The following MIF4GD variants were observed in gnomAD, a reference collection of about 807,000 sequenced individuals.
MIF4GD encodes MIF4G domain-containing protein.
MIF4GD carries 22 observed loss-of-function variants against 26.7 expected under a neutral mutation model. That is an observed-to-expected ratio of 0.82 (90% CI 0.59 to 1.18). MIF4GD has a LOEUF of 1.18. Ranked by LOEUF, MIF4GD falls within the 50% of genes most tolerant of loss-of-function variation. The pLI, the probability that MIF4GD is intolerant of heterozygous loss-of-function variation, is 0.00. For missense variants in MIF4GD, 262 were observed against 279.6 expected, an observed-to-expected ratio of 0.94 and a Z score of 0.45; for synonymous variants, 137 against 111.6, an observed-to-expected ratio of 1.23 and a Z score of -1.43.
intron 2 of MIF4GD, chr17:75,269,529 T>TA: frequency 6.7e-7 from 1 of 1,485,518 alleles, no homozygotes; most frequent in South Asian, 1.2e-5. Flanking sequence ...GGAGCCGTGT[T>TA]CTTTTTTTTA....
chr17:75,266,839 C>T lies in MIF4GD; in HGVS notation c.570G>A (p.Leu190=). ...TGATCTCCAGCAGCAGCAGCTGGGC[C>T]AGGGAGCTGAGGCCAGTTGGGAGCA... is the stretch of plus-strand genomic sequence containing the variant. ...GFLLPTGLSS[L]AQLLLLEIIE... The change falls in exon 6 of 6, where the codon CTG becomes CTA. Residue 190 remains leucine, a synonymous_variant. Coordinates refer to ENST00000325102, the MANE Select transcript of MIF4GD (RefSeq NM_001370592.1). 1 of 1,614,202 alleles carries T rather than the reference C, an allele frequency of 6.2e-7. No individual in the cohort carries two copies. The highest frequency in any genetic ancestry group is 8.5e-7 in the Non-Finnish European group (1 of 1,180,034).
chr17:75,269,292 AAC>A, intron 2 of MIF4GD: 1 of 1,604,458 alleles, frequency 6.2e-7, no homozygotes, highest in Admixed American at 1.7e-5. Context: ...AGGGCCTCCC[AAC>A]AGGCTCGGCT....
rs2077505471 is a variant in MIF4GD at position 75,266,905 on chromosome 17, CT to C, written c.503del (p.Gln168ArgfsTer9). 2.5e-6 allele frequency: 4 copies of C among 1,614,098 alleles called. No individual in the cohort carries two copies. Among genetic ancestry groups the C allele is most frequent in the Non-Finnish European group, 3.4e-6 (4 of 1,180,054 alleles). ...TCAGCACAAAGAGCTCATCCATGCG[CT>C]GCCCATTCATTTTCTCCAGCTGCTC... Reference protein sequence around the residue: ...VGEQLEKMNGQRMDELFVLIR... With the variant: ...VGEQLEKMNGXRMDELFVLIR... On this transcript the variant is annotated frameshift_variant, in exon 6 of 6. Coordinates refer to ENST00000325102, the MANE Select transcript of MIF4GD (RefSeq NM_001370592.1). LOFTEE classifies it high-confidence loss of function.
Position 75,270,322 on chromosome 17 carries a change from G to C in MIF4GD, c.-50-77C>G. ...TTCCGTCCTGCAGGCCCTGGACGGG[G>C]CTGACGGCGCGCTCGGGACAGGGAC... On this transcript the variant is annotated intron_variant, in intron 1 of 5. Transcript: ENST00000325102. The surrounding 1 kb of genome is among the most constrained non-coding windows in gnomAD (Gnocchi z 5.7). The C allele has an allele frequency of 2.5e-6, 2 of 798,988 alleles. No individual in the cohort carries two copies. Among genetic ancestry groups the C allele is most frequent in the Non-Finnish European group, 4.2e-6 (2 of 475,890 alleles). 49.5% of individuals were successfully genotyped at this position (798,988 alleles called of 1,614,324 possible).
At chr17:75,268,530 G>A (rs956287562) in intron 2 of MIF4GD, among the ~76,000 whole-genome samples, 1 of 151,824 alleles carries the variant, frequency 6.6e-6, no homozygotes, top group African/African-American at 2.4e-5. Flanking sequence ...CAGGTGTGGT[G>A]GCTCGTGCGT....
chr17:75,268,039 G>A (rs768622182), intron 3 of MIF4GD, 44 bp downstream of exon 3: 1 of 1,608,036 alleles, frequency 6.2e-7, no homozygotes, highest in Non-Finnish European at 8.5e-7. Flanking sequence ...CACTCCTGAA[G>A]CACCTTCCTC....
chr17:75,269,737 C>CTTTTTTTTTTTTTTTTTT (rs796368431), intron 2 of MIF4GD, among the ~76,000 whole-genome samples: 6 of 103,742 alleles, frequency 5.8e-5, no homozygotes, highest in East Asian at 3.3e-4. Context: ...TTTTTCTTTT[C>CTTTTTTTTTTTTTTTTTT]TTTCTTTTTT....
chr17:75,269,645 A>G (rs960653770), intron 2 of MIF4GD, among the ~76,000 whole-genome samples: 1 of 114,850 alleles, frequency 8.7e-6, no homozygotes, highest in South Asian at 2.9e-4. Context: ...TGGCACCCTC[A>G]CCCTCCCAGG....
chr17:75,266,766 A>G lies in MIF4GD; in HGVS notation c.643T>C (p.Tyr215His), dbSNP rs1308593942. The G allele has an allele frequency of 1.2e-6, 2 of 1,614,166 alleles. No homozygotes were observed. Among genetic ancestry groups the G allele is most frequent in the Non-Finnish European group, 1.7e-6 (2 of 1,180,026 alleles). The change falls in exon 6 of 6, where the codon TAT becomes CAT. Residue 215 changes from tyrosine (Y) to histidine (H), a missense_variant. By Grantham distance (83) the Tyr-to-His change is moderately conservative. Transcript: ENST00000325102. The part of the protein sequence containing the change: ...GWKTTPAAHK[Y>H]YYSEVSD Reference sequence around the variant, plus strand: ...TAGTCGGAGACTTCGCTGTAGTAATACTTGTGGGCAGCTGGCGTTGTCTTC... The same window carrying G: ...TAGTCGGAGACTTCGCTGTAGTAATGCTTGTGGGCAGCTGGCGTTGTCTTC...
rs145172795 is a variant in MIF4GD, at chr17:75,269,825, C to A, written c.82+289G>T. Among the ~76,000 whole-genome samples, 130 of 147,402 alleles carry A rather than the reference C, an allele frequency of 8.8e-4. No individual in the cohort carries two copies. The East Asian group carries it at 0.025, about 28-fold the overall frequency. On this transcript the variant is annotated intron_variant, in intron 2 of 5. Coordinates refer to ENST00000325102, the MANE Select transcript of MIF4GD (RefSeq NM_001370592.1). Reference sequence around the variant, plus strand: ...AACTCCTGGACTCAAGCAATCTGCCCACCTTGGCTTTCCAAAGTGCTGGAA... The same window carrying A: ...AACTCCTGGACTCAAGCAATCTGCCAACCTTGGCTTTCCAAAGTGCTGGAA...
chr17:75,270,541 G>A lies in MIF4GD; in HGVS notation c.-50-296C>T. 7.2e-6 allele frequency: 2 copies of A among 277,106 alleles called. No homozygotes were observed. Among genetic ancestry groups the A allele is most frequent in the African/African-American group, 2.2e-5 (1 of 45,124 alleles). The allele number at this position is 277,106 out of a possible 1,614,324, so 17.2% of individuals were successfully genotyped here. On this transcript the variant is annotated intron_variant, in intron 1 of 5. Coordinates refer to ENST00000325102, the MANE Select transcript of MIF4GD (RefSeq NM_001370592.1). This position sits in a 1 kb window ranked among gnomAD's most constrained non-coding sequence, Gnocchi z 5.7. Reference sequence around the variant, plus strand: ...CAGCAGGAGGCAGGAGTAGACTGGGGCAGGGTGTGTGCGGGCGGACGTTAC... The same window carrying A: ...CAGCAGGAGGCAGGAGTAGACTGGGACAGGGTGTGTGCGGGCGGACGTTAC...
At chr17:75,267,471 C>T (rs781466869) in intron 5 of MIF4GD, 67 bp downstream of exon 5, 71 of 1,513,718 alleles carry the variant, frequency 4.7e-5, no homozygotes, top group Non-Finnish European at 1.0e-5. Flanking sequence ...AGTGGGCTGA[C>T]ACACGGCTGA....
chr17:75,267,098 G>A (rs2077514994), intron 5 of MIF4GD, 131 bp from the exon 6 acceptor site: 1 of 745,856 alleles, frequency 1.3e-6, no homozygotes, highest in Admixed American at 2.1e-5. Flanking sequence ...CCATCCAGTG[G>A]GTACTTCCAC....
In MIF4GD at chr17:75,267,521, G is replaced by C; in HGVS notation, c.441+17C>G. The C allele has an allele frequency of 1.2e-6, 2 of 1,613,514 alleles. No homozygotes were observed. The highest frequency in any genetic ancestry group is 1.3e-5 in the African/African-American group (1 of 75,054). On this transcript the variant is annotated intron_variant, in intron 5 of 5. Transcript: ENST00000325102. Reference sequence around the variant, plus strand: ...CCTGCAGCCTTCTGTGCTTGTGCCAGGGCTGGGGCCACCCACCTCCTCCTC... The same window carrying C: ...CCTGCAGCCTTCTGTGCTTGTGCCACGGCTGGGGCCACCCACCTCCTCCTC...
chr17:75,268,430 G>C (rs114062227), intron 2 of MIF4GD, among the ~76,000 whole-genome samples: 1 of 151,946 alleles, frequency 6.6e-6, no homozygotes, highest in Non-Finnish European at 1.5e-5. Flanking sequence ...TTGGGAGACC[G>C]AGGTGGTTGG....
At position 75,266,299 on chromosome 17, in the gene MIF4GD, T is replaced by G. The variant is rs2077483265; in HGVS notation, c.*441A>C. Reference sequence around the variant, plus strand: ...GTGTAGCATGTGGTGCAGCATTCAGTGAAACTGGCTGGAGGAAATAGGCTT... The same window carrying G: ...GTGTAGCATGTGGTGCAGCATTCAGGGAAACTGGCTGGAGGAAATAGGCTT... On this transcript the variant is annotated 3_prime_UTR_variant, in exon 6 of 6. Transcript: ENST00000325102. The G allele has an allele frequency of 8.4e-6, 3 of 355,030 alleles. No homozygotes were observed. The highest frequency in any genetic ancestry group is 6.2e-5 in the African/African-American group (3 of 48,014). The allele number at this position is 355,030 out of a possible 1,614,324, so 22.0% of individuals were successfully genotyped here.
Position 75,270,086 on chromosome 17 carries a change from C to G in MIF4GD, c.82+28G>C. 6 of 1,608,600 alleles carry G rather than the reference C, an allele frequency of 3.7e-6. No individual in the cohort carries two copies. Among genetic ancestry groups the G allele is most frequent in the Non-Finnish European group, 5.1e-6 (6 of 1,175,342 alleles). ...GGGGCCCTTCTCTGTAGCTCCTGAC[C>G]CCAGCTCAGGAGGGGTCCCGTGCTC... On this transcript the variant is annotated intron_variant, in intron 2 of 5. Coordinates refer to ENST00000325102, the MANE Select transcript of MIF4GD (RefSeq NM_001370592.1). This position sits in a 1 kb window ranked among gnomAD's most constrained non-coding sequence, Gnocchi z 5.7.
rs2077692977 is a variant in MIF4GD at position 75,270,466 on chromosome 17, AT to A, written c.-50-222del. ...AGTTTAGAAATCCCTCGCTTGTGGGATTACACAAGAGCGAGAAGCTGAAGCA... is the reference window on the plus strand; with the variant it reads ...AGTTTAGAAATCCCTCGCTTGTGGGATACACAAGAGCGAGAAGCTGAAGCA... On this transcript the variant is annotated intron_variant, in intron 1 of 5. Coordinates refer to ENST00000325102, the MANE Select transcript of MIF4GD (RefSeq NM_001370592.1). This position sits in a 1 kb window ranked among gnomAD's most constrained non-coding sequence, Gnocchi z 5.7. 2.3e-6 allele frequency: 1 copy of A among 431,068 alleles called. No homozygotes were observed. The highest frequency in any genetic ancestry group is 4.3e-6 in the Non-Finnish European group (1 of 233,388). The allele number at this position is 431,068 out of a possible 1,614,324, so 26.7% of individuals were successfully genotyped here.
In MIF4GD at chr17:75,268,105, C is replaced by G; in HGVS notation, c.170G>C (p.Arg57Pro). 6.2e-7 allele frequency: 1 copy of G among 1,614,188 alleles called. No individual in the cohort carries two copies. Among genetic ancestry groups the G allele is most frequent in the South Asian group, 1.1e-5 (1 of 91,084 alleles). ...QDCVFSKEAG[R>P]MCYAIIQAES... Reference sequence around the variant, plus strand: ...AACCTGAATGATGGCGTAGCACATGCGTCCTGCTTCCTTGCTGAACACACA... The same window carrying G: ...AACCTGAATGATGGCGTAGCACATGGGTCCTGCTTCCTTGCTGAACACACA... Residue 57 changes from arginine to proline, a missense_variant, in exon 3 of 6, where the codon CGC (arginine) becomes CCC (proline). Coordinates refer to ENST00000325102, the MANE Select transcript of MIF4GD (RefSeq NM_001370592.1).
Sources: allele counts gnomAD v4.1 joint callset (sites outside exome capture counted in the v4.1 genomes callset), GRCh38; gene constraint gnomAD v4.1.1; non-coding constraint Gnocchi (gnomAD v3.1); transcripts MANE v1.5; gene names NCBI Gene and HGNC (gene_info 2026-07-23, HGNC 2026-07-21).